The following GALNTL6 variants were observed in gnomAD, a reference collection of about 807,000 sequenced individuals.
GALNTL6 encodes the protein polypeptide N-acetylgalactosaminyltransferase like 6, also known as polypeptide N-acetylgalactosaminyltransferase-like 6.
GALNTL6 carries 46 observed loss-of-function variants against 73.7 expected under a neutral mutation model. The ratio of observed to expected loss-of-function variants is 0.62; its 90% CI spans 0.49 to 0.80. The LOEUF is 0.80. GALNTL6 is among the 30% of genes least tolerant of loss of function. GALNTL6 has a pLI of 0.00. For missense variants in GALNTL6, 604 were observed against 755.0 expected (o/e 0.80, Z 2.34); for synonymous variants, 259 against 263.7 (o/e 0.98, Z 0.17).
chr4:172,501,461 T>G (rs755089995), intron 5 of GALNTL6, among the ~76,000 whole-genome samples: 5 of 152,038 alleles, frequency 3.3e-5, no homozygotes, highest in Non-Finnish European at 5.9e-5. Context: ...GTAAATAAAA[T>G]CTTTGAAATA....
intron 2 of GALNTL6, among the ~76,000 whole-genome samples, chr4:172,064,687 A>G (rs1045638301): frequency 1.3e-5 from 2 of 152,140 alleles, no homozygotes; most frequent in Non-Finnish European, 2.9e-5. Flanking sequence ...CACAGTTGAT[A>G]TCACCTCTTT....
intron 2 of GALNTL6, chr4:172,052,636 T>A (rs1730909071): frequency 1.6e-6 from 1 of 624,402 alleles, no homozygotes; most frequent in Non-Finnish European, 2.7e-6. Context: ...TCACGTAGTC[T>A]CACCATCATC....
At chr4:172,528,324 AT>A (rs1735036168) in intron 5 of GALNTL6, among the ~76,000 whole-genome samples, 2 of 11,410 alleles carry the variant, frequency 1.8e-4, no homozygotes, top group East Asian at 2.7e-3. Flanking sequence ...AATAAAATAT[AT>A]ATATATATAT....
intron 7 of GALNTL6, among the ~76,000 whole-genome samples, chr4:172,831,032 G>A (rs1742599911): frequency 7.1e-6 from 1 of 141,694 alleles, no homozygotes; most frequent in Non-Finnish European, 1.5e-5. Context: ...GGTGGCACAT[G>A]CTTGTAATCT....
intron 5 of GALNTL6, among the ~76,000 whole-genome samples, chr4:172,590,281 G>C (rs1658503887): frequency 6.6e-6 from 1 of 152,180 alleles, no homozygotes; most frequent in African/African-American, 2.4e-5. Context: ...GAATGCAACA[G>C]GGAGCAACAT....
At chr4:172,204,591 G>A (rs6825169) in intron 2 of GALNTL6, among the ~76,000 whole-genome samples, 16,308 of 152,092 alleles carry the variant, frequency 0.11, 1,012 homozygotes, top group Middle Eastern at 0.17. Flanking sequence ...ATTATTAAGG[G>A]TGTTTCCTTT....
intron 8 of GALNTL6, among the ~76,000 whole-genome samples, chr4:172,883,558 G>A (rs762763538): frequency 1.7e-4 from 26 of 152,136 alleles, no homozygotes; most frequent in Non-Finnish European, 3.5e-4. Flanking sequence ...TCACTCACCA[G>A]CAAGGGGATG....
chr4:172,167,983 AAAG>A (rs1390137683), intron 2 of GALNTL6, among the ~76,000 whole-genome samples: 9 of 148,140 alleles, frequency 6.1e-5, no homozygotes, highest in African/African-American at 2.0e-4. Context: ...AAAAAAAAAA[AAAG>A]AAACATTTCT....
intron 5 of GALNTL6, among the ~76,000 whole-genome samples, chr4:172,633,824 G>A (rs1477808441): frequency 6.6e-6 from 1 of 152,188 alleles, no homozygotes; most frequent in Non-Finnish European, 1.5e-5. Context: ...TGCCCATACT[G>A]TTCTCGTGGT....
chr4:172,548,604 T>C (rs751944826), intron 5 of GALNTL6, among the ~76,000 whole-genome samples: 7 of 152,230 alleles, frequency 4.6e-5, no homozygotes, highest in Non-Finnish European at 7.3e-5. Flanking sequence ...TTAGCCTCTA[T>C]AAATATGAAC....
chr4:172,638,442 C>T (rs752400427), intron 5 of GALNTL6, among the ~76,000 whole-genome samples: 1 of 152,094 alleles, frequency 6.6e-6, no homozygotes, highest in Non-Finnish European at 1.5e-5. Context: ...CTCATTAGTT[C>T]CATGAAGACC....
At chr4:171,930,521 G>A (rs1738145833) in intron 2 of GALNTL6, among the ~76,000 whole-genome samples, 1 of 152,128 alleles carries the variant, frequency 6.6e-6, no homozygotes, top group Non-Finnish European at 1.5e-5. Context: ...ATGGGGAAAA[G>A]CTAGCAGCTT....
At chr4:172,401,901 AAGAG>A (rs139098045) in intron 5 of GALNTL6, among the ~76,000 whole-genome samples, 1 of 127,066 alleles carries the variant, frequency 7.9e-6, no homozygotes. Flanking sequence ...CTGGAGGAGG[AAGAG>A]AGAGAGAGAG....
chr4:173,019,648 A>G (rs1367646794), intron 11 of GALNTL6, among the ~76,000 whole-genome samples: 2 of 152,264 alleles, frequency 1.3e-5, no homozygotes, highest in Non-Finnish European at 2.9e-5. Context: ...ATTCATCTTC[A>G]TGAATTTATT....
chr4:171,897,557 T>G (rs1441011378), intron 2 of GALNTL6, among the ~76,000 whole-genome samples: 9 of 152,136 alleles, frequency 5.9e-5, no homozygotes, highest in African/African-American at 2.2e-4. Flanking sequence ...GCGCTGTGGC[T>G]CGCGCCTGCA....
At chr4:172,370,630 CAAAAAAAAAAA>C (rs71592072) in intron 5 of GALNTL6, among the ~76,000 whole-genome samples, 1 of 59,854 alleles carries the variant, frequency 1.7e-5, no homozygotes, top group African/African-American at 6.2e-5. Context: ...GACTCCATCT[CAAAAAAAAAAA>C]AAAAAAAAAA....
chr4:172,001,363 G>A (rs987547318), intron 2 of GALNTL6, among the ~76,000 whole-genome samples: 1 of 152,204 alleles, frequency 6.6e-6, no homozygotes, highest in African/African-American at 2.4e-5. Context: ...CTTGATGCAA[G>A]GGTACAAATA....
At chr4:172,458,536 G>T (rs1017153331) in intron 5 of GALNTL6, among the ~76,000 whole-genome samples, 6 of 151,976 alleles carry the variant, frequency 3.9e-5, no homozygotes, top group African/African-American at 1.4e-4. Context: ...TGATAAAGGG[G>T]ATATCACCAC....
chr4:172,609,617 CTCTCTCTCTG>C (rs1330577649), intron 5 of GALNTL6, among the ~76,000 whole-genome samples: 1 of 50,630 alleles, frequency 2.0e-5, no homozygotes, highest in Non-Finnish European at 4.7e-5. Flanking sequence ...CTCTCTCTCT[CTCTCTCTCTG>C]TGTGTGTGTG....
Sources: allele counts gnomAD v4.1 joint callset (sites outside exome capture counted in the v4.1 genomes callset), GRCh38; gene constraint gnomAD v4.1.1; transcripts MANE v1.5; gene names NCBI Gene and HGNC (gene_info 2026-07-23, HGNC 2026-07-21).